PARP8: variants seen among roughly 807,000 people sequenced by gnomAD.
PARP8 encodes the protein poly(ADP-ribose) polymerase family member 8.
In PARP8, 51 loss-of-function variants were observed where a neutral mutation model predicts 124.1. That is an observed-to-expected ratio of 0.41 (90% confidence interval 0.33 to 0.52). PARP8 has a LOEUF of 0.52. PARP8 is among the 20% of genes least tolerant of loss of function. PARP8 has a pLI of 0.21. For missense variants in PARP8, 860 were observed against 1,018.9 expected, an observed-to-expected ratio of 0.84 and a Z score of 2.12; for synonymous variants, 391 against 361.5, an observed-to-expected ratio of 1.08 and a Z score of -0.93.
At chr5:50,797,057 G>T (rs372075511) in intron 13 of PARP8, 25 bp downstream of exon 13, 2 of 1,611,766 alleles carry the variant, frequency 1.2e-6, no homozygotes, top group Admixed American at 1.7e-5. Flanking sequence ...TCTATCCATT[G>T]TACAAATATT....
At chr5:50,740,323 G>A (rs1412123758) in intron 2 of PARP8, among the ~76,000 whole-genome samples, 1 of 152,168 alleles carries the variant, frequency 6.6e-6, no homozygotes, top group Non-Finnish European at 1.5e-5. Flanking sequence ...ACTGAAGGAT[G>A]AGACTGAGTT....
rs1181701821 is a variant in PARP8, at chr5:50,835,030, T to C, written c.2462+15T>C. 3 of 1,606,440 alleles carry C rather than the reference T, an allele frequency of 1.9e-6. 1 individual carries two copies. The South Asian group carries it at 3.3e-5, about 18-fold the overall frequency. On this transcript the variant is annotated intron_variant, in intron 25 of 25. Coordinates refer to ENST00000281631, the MANE Select transcript of PARP8 (RefSeq NM_024615.4). The stretch of plus-strand genomic sequence containing the variant: ...TTCTTTTTCGTGTAAGTGGAAATGC[T>C]CAAATTTGTATATTACTGTCTTTGC...
intron 2 of PARP8, among the ~76,000 whole-genome samples, chr5:50,709,176 G>A (rs953839209): frequency 2.6e-4 from 39 of 152,012 alleles, no homozygotes; most frequent in African/African-American, 9.4e-4. Context: ...TTCCTGTAGT[G>A]ATACTCAGTT....
chr5:50,821,393 A>G (rs547582032), intron 16 of PARP8, 55 bp downstream of exon 16: 11 of 1,581,312 alleles, frequency 7.0e-6, no homozygotes, highest in East Asian at 2.2e-5. Flanking sequence ...AATAACAACA[A>G]TATTGAGATT....
At chr5:50,784,559 G>A (rs1365462325) in intron 9 of PARP8, among the ~76,000 whole-genome samples, 2 of 152,074 alleles carry the variant, frequency 1.3e-5, no homozygotes, top group Non-Finnish European at 2.9e-5. Flanking sequence ...CAGTGCATTA[G>A]AATAATTTCC....
chr5:50,770,680 AACG>A (rs1328135983), intron 7 of PARP8, among the ~76,000 whole-genome samples: 4 of 151,492 alleles, frequency 2.6e-5, no homozygotes, highest in African/African-American at 9.8e-5. Context: ...AGAAAGAAAT[AACG>A]AAAGAAAGCA....
chr5:50,674,253 C>T (rs1354956576), intron 2 of PARP8, among the ~76,000 whole-genome samples: 1 of 152,208 alleles, frequency 6.6e-6, no homozygotes, highest in Non-Finnish European at 1.5e-5. Context: ...TTAAAAGAAG[C>T]TTCTGTCTCC....
chr5:50,720,638 G>A (rs989226679), intron 2 of PARP8, among the ~76,000 whole-genome samples: 1 of 151,880 alleles, frequency 6.6e-6, no homozygotes, highest in Non-Finnish European at 1.5e-5. Flanking sequence ...GAGGAGCCTG[G>A]GATATATAGT....
chr5:50,717,878 T>C (rs1375339492), intron 2 of PARP8, among the ~76,000 whole-genome samples: 10 of 151,862 alleles, frequency 6.6e-5, no homozygotes, highest in African/African-American at 1.9e-4. Flanking sequence ...AAGTGACTGA[T>C]GGATTTAGGA....
intron 2 of PARP8, among the ~76,000 whole-genome samples, chr5:50,676,486 G>T (rs572385056): frequency 1.3e-5 from 2 of 152,176 alleles, no homozygotes; most frequent in Admixed American, 6.5e-5. Context: ...CCCTGAAGTT[G>T]GCAGAGCCCT....
chr5:50,777,871 G>T (rs572638368), intron 7 of PARP8, among the ~76,000 whole-genome samples, 198 bp from the exon 8 acceptor site: 1 of 152,238 alleles, frequency 6.6e-6, no homozygotes, highest in South Asian at 2.1e-4. Flanking sequence ...ACAATAGAAA[G>T]ATATCAATGT....
chr5:50,810,046 A>C (rs1034951859), intron 14 of PARP8, among the ~76,000 whole-genome samples: 4 of 152,018 alleles, frequency 2.6e-5, no homozygotes, highest in African/African-American at 4.8e-5. Context: ...GCTTTGATTC[A>C]AATAACGTTA....
At position 50,845,589 on chromosome 5, in the gene PARP8, T is replaced by C. The variant is rs1406462308; in HGVS notation, c.*3521T>C. The C allele has an allele frequency of 2.0e-5, 3 of 151,814 alleles. No homozygotes were observed. The East Asian group carries it at 5.8e-4, about 29-fold the overall frequency. The allele number at this position is 151,814 out of a possible 1,614,324, so 9.4% of individuals were successfully genotyped here. A position where few individuals can be genotyped will look rare whatever the true frequency, so the allele number is the denominator to read the frequency against. ...ATCAAATAATTCAACAGGAAGACCA[T>C]ACTGGACACAGATGTTGTCAGTTAC... On this transcript the variant is annotated 3_prime_UTR_variant, in exon 26 of 26. Coordinates refer to ENST00000281631, the MANE Select transcript of PARP8 (RefSeq NM_024615.4).
chr5:50,817,289 G>C (rs1340868133), intron 15 of PARP8, among the ~76,000 whole-genome samples: 1 of 152,142 alleles, frequency 6.6e-6, no homozygotes, highest in African/African-American at 2.4e-5. Flanking sequence ...TCAATTTAGT[G>C]ATGTAATTCT....
intron 2 of PARP8, among the ~76,000 whole-genome samples, chr5:50,686,488 A>G (rs1226596143): frequency 3.3e-5 from 5 of 152,146 alleles, no homozygotes; most frequent in Admixed American, 2.0e-4. Context: ...TGGATCTACC[A>G]TTCTGGGGTC....
chr5:50,782,659 G>GTTAAGGTTATT (rs1051664935), intron 9 of PARP8, among the ~76,000 whole-genome samples: 1 of 152,146 alleles, frequency 6.6e-6, no homozygotes, highest in African/African-American at 2.4e-5. Context: ...CATCTGTAAA[G>GTTAAGGTTATT]AAGTTACCAC....
Position 50,844,027 on chromosome 5 carries a change from T to G in PARP8, c.*1959T>G, listed in dbSNP as rs907910648. On this transcript the variant is annotated 3_prime_UTR_variant, in exon 26 of 26. Coordinates refer to ENST00000281631, the MANE Select transcript of PARP8 (RefSeq NM_024615.4). ...ATCCACTGACCTAATCCATTATGGC[T>G]TTACTTAACATTGGAGTGATCCGTA... 2.6e-5 allele frequency: 4 copies of G among 151,788 alleles called. No individual in the cohort carries two copies. The highest frequency in any genetic ancestry group is 2.0e-4 in the Admixed American group (3 of 15,194). The allele number at this position is 151,788 out of a possible 1,614,324, so 9.4% of individuals were successfully genotyped here.
At chr5:50,788,467 A>T in intron 9 of PARP8, 56 bp from the exon 10 acceptor site, 2 of 1,506,352 alleles carry the variant, frequency 1.3e-6, no homozygotes, top group Non-Finnish European at 1.8e-6. Flanking sequence ...TTTCTGGCTG[A>T]TGGTTGAGTT....
chr5:50,753,338 G>A (rs1455619497), intron 3 of PARP8, among the ~76,000 whole-genome samples: 3 of 152,044 alleles, frequency 2.0e-5, no homozygotes, highest in Non-Finnish European at 4.4e-5. Flanking sequence ...AGTCTAAAGA[G>A]TCTTGACCTA....
Sources: allele counts gnomAD v4.1 joint callset (sites outside exome capture counted in the v4.1 genomes callset), GRCh38; gene constraint gnomAD v4.1.1; transcripts MANE v1.5; gene names NCBI Gene and HGNC (gene_info 2026-07-23, HGNC 2026-07-21).